Variants in PTK2 observed in about 807,000 individuals in gnomAD.
PTK2 encodes focal adhesion kinase 1.
A neutral mutation model predicts 150.1 loss-of-function variants in PTK2; 45 were observed. That is an observed-to-expected ratio of 0.30 (90% CI 0.24 to 0.38). The LOEUF is 0.38. Ranked by LOEUF, PTK2 falls within the 10% of genes least tolerant of loss-of-function variation. The pLI is 1.00. For synonymous variants in PTK2, 432 were observed against 449.2 expected (o/e 0.96, Z 0.48); for missense variants, 919 against 1,307.3 (o/e 0.70, Z 4.58).
At chr8:140,975,300 T>C (rs2100188868) in intron 1 of PTK2, among the ~76,000 whole-genome samples, 3 of 152,198 alleles carry the variant, frequency 2.0e-5, no homozygotes. Context: ...AAATCTGTTC[T>C]TGCTGCCCTA....
intron 22 of PTK2, among the ~76,000 whole-genome samples, chr8:140,723,186 T>C (rs762246119): frequency 6.6e-6 from 1 of 152,242 alleles, no homozygotes; most frequent in African/African-American, 2.4e-5. Context: ...TTGTGGAATT[T>C]AGCTTGTAAA....
intron 3 of PTK2, among the ~76,000 whole-genome samples, chr8:140,882,361 C>T (rs2100149668): frequency 6.6e-6 from 1 of 152,128 alleles, no homozygotes; most frequent in Non-Finnish European, 1.5e-5. Flanking sequence ...CACACACGTA[C>T]ATTTAGAATA....
intron 22 of PTK2, 25 bp downstream of exon 25, chr8:140,735,226 G>A (rs765269589): frequency 6.2e-7 from 1 of 1,604,914 alleles, no homozygotes; most frequent in Admixed American, 1.7e-5. Flanking sequence ...CCCACCCCCA[G>A]GCCCTCTCTC....
chr8:140,896,031 T>C (rs982972001), intron 2 of PTK2, among the ~76,000 whole-genome samples: 1 of 151,944 alleles, frequency 6.6e-6, no homozygotes, highest in African/African-American at 2.4e-5. Context: ...GAGAATATAA[T>C]AAGAGGTAAG....
chr8:140,856,629 G>A (rs751203362), intron 5 of PTK2, among the ~76,000 whole-genome samples: 6 of 152,164 alleles, frequency 3.9e-5, no homozygotes, highest in Non-Finnish European at 8.8e-5. Flanking sequence ...ATGACTGGGG[G>A]CAAGGATTGA....
chr8:140,913,219 G>C (rs777503008), intron 2 of PTK2, among the ~76,000 whole-genome samples: 1 of 151,746 alleles, frequency 6.6e-6, no homozygotes, highest in Non-Finnish European at 1.5e-5. Context: ...ACTAATAAGC[G>C]AATTTATAAT....
intron 1 of PTK2, among the ~76,000 whole-genome samples, chr8:140,951,918 T>C (rs7013708): frequency 0.043 from 6,606 of 152,038 alleles, 203 homozygotes; most frequent in Non-Finnish European, 0.066. Context: ...AATTTTTTTT[T>C]TTAAGTTCCA....
At chr8:140,788,245 A>G (rs981040192) in intron 14 of PTK2, among the ~76,000 whole-genome samples, 1 of 152,234 alleles carries the variant, frequency 6.6e-6, no homozygotes, top group Non-Finnish European at 1.5e-5. Context: ...TTAGGAAGTG[A>G]GCAATGATTT....
chr8:140,784,408 A>C (rs1595502351), intron 14 of PTK2, among the ~76,000 whole-genome samples: 1 of 152,272 alleles, frequency 6.6e-6, no homozygotes, highest in East Asian at 1.9e-4. Flanking sequence ...TGCTTGATCA[A>C]GGGCTTCGTT....
At chr8:140,710,151 A>G (rs1290556600) in intron 23 of PTK2, among the ~76,000 whole-genome samples, 1 of 151,496 alleles carries the variant, frequency 6.6e-6, no homozygotes, top group South Asian at 2.1e-4. Context: ...AAATATGAGA[A>G]GATTTTCATA....
intron 23 of PTK2, among the ~76,000 whole-genome samples, chr8:140,715,644 CTG>C (rs1013618374): frequency 7.2e-5 from 11 of 152,258 alleles, no homozygotes; most frequent in Admixed American, 4.6e-4. Flanking sequence ...TCCAATAAAA[CTG>C]TGTTTCAATA....
At chr8:140,820,341 T>C (rs1293065942) in intron 8 of PTK2, among the ~76,000 whole-genome samples, 5 of 151,664 alleles carry the variant, frequency 3.3e-5, no homozygotes, top group Non-Finnish European at 7.4e-5. Context: ...CCTCAAGAGA[T>C]CCACCCGCCT....
intron 16 of PTK2, 127 bp downstream of exon 19, chr8:140,761,038 G>C (rs2100069138): frequency 3.1e-6 from 2 of 649,548 alleles, no homozygotes; most frequent in East Asian, 2.8e-5. Context: ...TTTATGAAGA[G>C]CTTTATAAAA....
chr8:140,843,468 G>T (rs894059355), intron 7 of PTK2, among the ~76,000 whole-genome samples: 5 of 151,646 alleles, frequency 3.3e-5, no homozygotes, highest in African/African-American at 1.2e-4. Flanking sequence ...ATACAGATAG[G>T]GTAGAATACA....
At chr8:140,994,276 T>C (rs1418406619) in intron 1 of PTK2, among the ~76,000 whole-genome samples, 1 of 152,224 alleles carries the variant, frequency 6.6e-6, no homozygotes, top group Non-Finnish European at 1.5e-5. Context: ...TTTCCTGCTT[T>C]TGTCTACAAA....
At chr8:140,690,187 C>T (rs1374439562) in intron 26 of PTK2, among the ~76,000 whole-genome samples, 1 of 152,084 alleles carries the variant, frequency 6.6e-6, no homozygotes, top group South Asian at 2.1e-4. Flanking sequence ...CACCTGACCT[C>T]ATGATCTGCC....
chr8:140,867,840 CTGCAA>C (rs891898524), intron 4 of PTK2, among the ~76,000 whole-genome samples: 1 of 152,214 alleles, frequency 6.6e-6, no homozygotes, highest in African/African-American at 2.4e-5. Flanking sequence ...AGTCCTTAAA[CTGCAA>C]TGCCTGACAC....
rs367625408 is a variant in PTK2, at chr8:140,764,203, T to C, written c.1234+31A>G. ...AATGCAAGGAGGCATCTGTCAAGTC[T>C]GAGCAAGAACAAAATCAGAAGTTTA... On this transcript the variant is annotated intron_variant, in intron 15 of 31. Coordinates refer to ENST00000522684, the Ensembl canonical transcript of PTK2. The C allele has an allele frequency of 3.2e-6, 5 of 1,575,044 alleles. No homozygotes were observed. The African/African-American group carries it at 5.4e-5, about 17-fold the overall frequency.
chr8:140,707,498 C>T (rs1448662609), intron 23 of PTK2, among the ~76,000 whole-genome samples: 7 of 152,188 alleles, frequency 4.6e-5, no homozygotes, highest in African/African-American at 7.2e-5. Context: ...CACTGCCTCC[C>T]GGGTTTGAGT....
Sources: gnomAD v4.1 joint callset for allele counts (sites outside exome capture counted in the v4.1 genomes callset) on GRCh38, gnomAD v4.1.1 for gene constraint, MANE v1.5 for transcripts, NCBI Gene and HGNC (gene_info 2026-07-23, HGNC 2026-07-21) for gene names.